Variants in PARD3 observed in about 807,000 individuals in gnomAD.
PARD3 encodes par-3 family cell polarity regulator.
A neutral mutation model predicts 155.4 loss-of-function variants in PARD3; 75 were observed. The observed-to-expected ratio is 0.48, with a 90% CI of 0.40 to 0.58. PARD3 has a LOEUF of 0.58. PARD3 is among the 20% of genes least tolerant of loss of function. The pLI is 0.00. For missense variants in PARD3, 1,642 were observed against 1,721.7 expected, an observed-to-expected ratio of 0.95 and a Z score of 0.82; for synonymous variants, 576 against 610.5, an observed-to-expected ratio of 0.94 and a Z score of 0.83.
At chr10:34,467,876 G>A (rs910752224) in intron 4 of PARD3, among the ~76,000 whole-genome samples, 1 of 152,168 alleles carries the variant, frequency 6.6e-6, no homozygotes, top group African/African-American at 2.4e-5. Context: ...TAAGGCTAAT[G>A]TTCTACTTCC....
intron 1 of PARD3, among the ~76,000 whole-genome samples, chr10:34,748,484 G>T (rs953939888): frequency 1.3e-5 from 2 of 151,796 alleles, no homozygotes; most frequent in African/African-American, 2.4e-5. Flanking sequence ...CTCAAAAAAA[G>T]AAAAAGAAAA....
At position 34,451,688 on chromosome 10, in the gene PARD3, C is replaced by T. The variant is rs2077065867; in HGVS notation, c.583-1240G>A. Among the ~76,000 whole-genome samples the T allele has an allele frequency of 2.0e-5, 3 of 150,762 alleles. No homozygotes were observed. In the South Asian group the frequency reaches 6.3e-4, roughly 31 times the overall value. On this transcript the variant is annotated intron_variant, in intron 4 of 24. Transcript: ENST00000374788. ...AAACATTTACCAACATAAACTTTGA[C>T]ATGAAACTTCATAAACTTTAAGAAT... is the stretch of plus-strand genomic sequence containing the variant.
At chr10:34,487,955 T>C (rs2079583222) in intron 3 of PARD3, among the ~76,000 whole-genome samples, 1 of 152,240 alleles carries the variant, frequency 6.6e-6, no homozygotes. Context: ...TCTATTATTT[T>C]ATTAAGGATT....
chr10:34,464,605 A>C (rs2077886651), intron 4 of PARD3, among the ~76,000 whole-genome samples: 1 of 152,226 alleles, frequency 6.6e-6, no homozygotes, highest in African/African-American at 2.4e-5. Flanking sequence ...AAAGCAAACA[A>C]AATTGGCAAA....
intron 2 of PARD3, among the ~76,000 whole-genome samples, chr10:34,535,319 T>C (rs1268453351): frequency 2.6e-5 from 4 of 152,054 alleles, no homozygotes; most frequent in Admixed American, 2.6e-4. Flanking sequence ...CAGAGAACGC[T>C]GTCTTGGTGT....
intron 22 of PARD3, among the ~76,000 whole-genome samples, chr10:34,150,527 T>C (rs1454020932): frequency 6.6e-6 from 1 of 152,206 alleles, no homozygotes; most frequent in African/African-American, 2.4e-5. Flanking sequence ...GGCTTGCTCA[T>C]GAAGTCGGGA....
intron 1 of PARD3, among the ~76,000 whole-genome samples, chr10:34,741,071 C>G (rs930405962): frequency 1.3e-5 from 2 of 151,612 alleles, no homozygotes; most frequent in Admixed American, 1.3e-4. Context: ...AACAGACCAA[C>G]AGGCTAACAG....
At chr10:34,662,301 TG>T (rs1330956823) in intron 2 of PARD3, among the ~76,000 whole-genome samples, 1 of 152,198 alleles carries the variant, frequency 6.6e-6, no homozygotes, top group African/African-American at 2.4e-5. Flanking sequence ...CATACACTGT[TG>T]GTAGGAATGT....
In PARD3 at chr10:34,773,227, G is replaced by A. The variant is rs575252858; in HGVS notation, c.120+41649C>T. ...ACAACTAATAACACTTAGATATTAT[G>A]TTAGTTATAACATGTTTAACCTTGT... On this transcript the variant is annotated intron_variant, in intron 1 of 24. Transcript: ENST00000374788. Among the ~76,000 whole-genome samples, 9 of 152,288 alleles carry A rather than the reference G, an allele frequency of 5.9e-5. No individual in the cohort carries two copies. The South Asian group carries it at 1.9e-3, about 32-fold the overall frequency.
rs181203305 is a variant in PARD3 at position 34,519,232 on chromosome 10, T to C, written c.223-2073A>G. 8.4e-4 allele frequency among the ~76,000 whole-genome samples: 128 copies of C among 152,164 alleles called. 1 individual carries two copies. The South Asian group carries it at 0.018, about 21-fold the overall frequency. On this transcript the variant is annotated intron_variant, in intron 2 of 24. Transcript: ENST00000374788. ...TAGAAAAAGGGCATTAGTGAAAAAATAGGCAGAATTCTAATGAGATCTGAT... is the reference window on the plus strand; with the variant it reads ...TAGAAAAAGGGCATTAGTGAAAAAACAGGCAGAATTCTAATGAGATCTGAT...
At chr10:34,813,289 AGAGTGC>A (rs57520540) in intron 1 of PARD3, among the ~76,000 whole-genome samples, 2 of 152,122 alleles carry the variant, frequency 1.3e-5, no homozygotes, top group Admixed American at 6.6e-5. Flanking sequence ...GACGTACTGC[AGAGTGC>A]ATATTACTTT....
intron 1 of PARD3, among the ~76,000 whole-genome samples, chr10:34,754,234 G>C (rs990348373): frequency 3.3e-5 from 5 of 152,094 alleles, no homozygotes; most frequent in African/African-American, 1.2e-4. Context: ...TTGAACTCCT[G>C]GCCTCAAGCA....
At chr10:34,443,008 G>A (rs1177307765) in intron 5 of PARD3, among the ~76,000 whole-genome samples, 1 of 151,812 alleles carries the variant, frequency 6.6e-6, no homozygotes, top group South Asian at 2.1e-4. Context: ...AGGCTAGTAA[G>A]CACTTGGGCA....
At chr10:34,255,125 C>T (rs951138095) in intron 22 of PARD3, among the ~76,000 whole-genome samples, 5 of 151,914 alleles carry the variant, frequency 3.3e-5, no homozygotes, top group Middle Eastern at 3.2e-3. Flanking sequence ...TAATAATTTA[C>T]GATTTAAATC....
intron 1 of PARD3, among the ~76,000 whole-genome samples, chr10:34,711,926 G>A (rs1337810381): frequency 6.6e-6 from 1 of 152,112 alleles, no homozygotes; most frequent in East Asian, 1.9e-4. Flanking sequence ...CATTTCAGAT[G>A]TGGGGAAAGA....
At chr10:34,646,722 A>G (rs555936773) in intron 2 of PARD3, among the ~76,000 whole-genome samples, 34 of 152,266 alleles carry the variant, frequency 2.2e-4, no homozygotes, top group Middle Eastern at 3.4e-3. Flanking sequence ...CTGGAGTGCA[A>G]TAGCACAATC....
intron 2 of PARD3, among the ~76,000 whole-genome samples, chr10:34,582,036 G>A (rs1221612556): frequency 1.3e-5 from 2 of 152,118 alleles, no homozygotes; most frequent in Non-Finnish European, 1.5e-5. Context: ...AAAAATTTAC[G>A]CCAAGAACCA....
intron 12 of PARD3, among the ~76,000 whole-genome samples, chr10:34,370,277 C>T (rs1840450002): frequency 6.6e-6 from 1 of 152,148 alleles, no homozygotes; most frequent in Non-Finnish European, 1.5e-5. Context: ...GACTCCCAGT[C>T]ACCATGTCAT....
chr10:34,333,029 C>T (rs1044747391), intron 18 of PARD3, among the ~76,000 whole-genome samples: 1 of 152,066 alleles, frequency 6.6e-6, no homozygotes, highest in Non-Finnish European at 1.5e-5. Context: ...CTGGAAAGAT[C>T]CTTTTGTGAA....
Sources: allele counts gnomAD v4.1 joint callset (sites outside exome capture counted in the v4.1 genomes callset), GRCh38; gene constraint gnomAD v4.1.1; transcripts MANE v1.5; gene names NCBI Gene and HGNC (gene_info 2026-07-23, HGNC 2026-07-21).